The following KCNMA1 variants were observed in gnomAD, a reference collection of about 807,000 sequenced individuals.
The protein encoded by KCNMA1 is potassium calcium-activated channel subfamily M alpha 1.
A neutral mutation model predicts 140.0 loss-of-function variants in KCNMA1; 29 were observed. The ratio of observed to expected loss-of-function variants is 0.21; its 90% CI spans 0.15 to 0.28. KCNMA1 has a LOEUF of 0.28. KCNMA1 is among the 10% of genes least tolerant of loss of function. The probability of loss-of-function intolerance (pLI) is 1.00; values close to 1 mark genes in which losing one functional copy is unlikely to be tolerated. For synonymous variants in KCNMA1, 612 were observed against 611.9 expected (o/e 1.00, Z 0.00); for missense variants, 880 against 1,602.2 (o/e 0.55, Z 7.70).
At chr10:77,046,384 C>T (rs2095055643) in intron 14 of KCNMA1, among the ~76,000 whole-genome samples, 1 of 152,086 alleles carries the variant, frequency 6.6e-6, no homozygotes, top group African/African-American at 2.4e-5. Context: ...TGACCCCACA[C>T]CCCCCAAGAA....
intron 2 of KCNMA1, among the ~76,000 whole-genome samples, chr10:77,266,623 A>T (rs1487821712): frequency 6.6e-6 from 1 of 152,172 alleles, no homozygotes; most frequent in Non-Finnish European, 1.5e-5. Flanking sequence ...TAATCAATCC[A>T]TTCAGGCACA....
chr10:77,055,519 CCTTT>C (rs1215113541), intron 14 of KCNMA1, among the ~76,000 whole-genome samples: 1 of 136,752 alleles, frequency 7.3e-6, no homozygotes, highest in Non-Finnish European at 1.6e-5. Flanking sequence ...TTCCTTTCTT[CCTTT>C]CTTTTTCTCT....
rs116125117 is a variant in KCNMA1, at chr10:77,009,104, G to A, written c.2092+2863C>T. Among the ~76,000 whole-genome samples, 483 of 152,302 alleles carry A rather than the reference G, an allele frequency of 3.2e-3. 3 individuals are homozygous for A. Among genetic ancestry groups the A allele is most frequent in the African/African-American group, 0.01 (421 of 41,568 alleles). On this transcript the variant is annotated intron_variant, in intron 18 of 27. Transcript: ENST00000286628. ...GTTACATAGCCAAAGGCCTTTGTGA[G>A]ATGAAGAAGCTGAGGTTGGGGGAGG...
intron 2 of KCNMA1, among the ~76,000 whole-genome samples, chr10:77,341,588 C>T (rs1297940703): frequency 6.6e-6 from 1 of 152,170 alleles, no homozygotes; most frequent in Admixed American, 6.5e-5. Context: ...ACGTGGGTCC[C>T]CCAGATCCCC....
At chr10:76,988,791 GA>G (rs2081977873) in intron 19 of KCNMA1, among the ~76,000 whole-genome samples, 1 of 152,140 alleles carries the variant, frequency 6.6e-6, no homozygotes. Context: ...GTTTTCTAAT[GA>G]TCCCAGGACC....
chr10:77,397,226 A>G (rs2096087095), intron 2 of KCNMA1, among the ~76,000 whole-genome samples: 1 of 152,184 alleles, frequency 6.6e-6, no homozygotes, highest in Non-Finnish European at 1.5e-5. Context: ...ACTCGACCTT[A>G]GAGAATCTCT....
intron 14 of KCNMA1, among the ~76,000 whole-genome samples, chr10:77,065,933 G>A (rs1237058201): frequency 6.6e-6 from 1 of 152,184 alleles, no homozygotes; most frequent in Non-Finnish European, 1.5e-5. Flanking sequence ...TCCAGCCAGA[G>A]GGAACAAGAA....
chr10:77,138,427 C>T (rs1225086905), intron 5 of KCNMA1, among the ~76,000 whole-genome samples: 3 of 152,102 alleles, frequency 2.0e-5, no homozygotes, highest in Non-Finnish European at 2.9e-5. Context: ...CCTGGTCTGA[C>T]TTTACATCTT....
At chr10:77,033,069 C>T (rs1238391912) in intron 15 of KCNMA1, among the ~76,000 whole-genome samples, 3 of 152,244 alleles carry the variant, frequency 2.0e-5, no homozygotes, top group African/African-American at 4.8e-5. Context: ...ACCCAAAGCA[C>T]CAGCCCCTCT....
At chr10:77,082,007 C>CTTTTTTTTTTTTTTTTTTTT (rs201288668) in intron 12 of KCNMA1, among the ~76,000 whole-genome samples, 13 of 32,510 alleles carry the variant, frequency 4.0e-4, no homozygotes, top group Non-Finnish European at 4.9e-4. Context: ...TTTTTCTTTT[C>CTTTTTTTTTTTTTTTTTTTT]TTTTTTTTTT....
chr10:77,270,299 C>T (rs1228838955), intron 2 of KCNMA1, among the ~76,000 whole-genome samples: 1 of 152,138 alleles, frequency 6.6e-6, no homozygotes, highest in African/African-American at 2.4e-5. Context: ...AATCTCTATC[C>T]ATGTGGCAAT....
chr10:77,339,165 G>A (rs1243959806), intron 2 of KCNMA1, among the ~76,000 whole-genome samples: 2 of 151,096 alleles, frequency 1.3e-5, no homozygotes, highest in Admixed American at 6.6e-5. Context: ...AAGCTCCATA[G>A]GTATGCAATA....
intron 23 of KCNMA1, among the ~76,000 whole-genome samples, chr10:76,927,616 G>C (rs371858205): frequency 1.3e-5 from 2 of 152,224 alleles, no homozygotes; most frequent in African/African-American, 4.8e-5. Flanking sequence ...TATGGTTCTA[G>C]TCTCCAAACA....
intron 3 of KCNMA1, among the ~76,000 whole-genome samples, chr10:77,247,843 T>C (rs1320972879): frequency 6.6e-6 from 1 of 152,076 alleles, no homozygotes; most frequent in African/African-American, 2.4e-5. Context: ...TGATAAAGCA[T>C]AATTTTAGTA....
intron 14 of KCNMA1, among the ~76,000 whole-genome samples, chr10:77,064,487 A>G: frequency 6.6e-6 from 1 of 152,186 alleles, no homozygotes; most frequent in East Asian, 1.9e-4. Context: ...TCTTTTTGCT[A>G]ATAATGTTTG....
intron 1 of KCNMA1, among the ~76,000 whole-genome samples, chr10:77,425,118 T>A (rs2096953981): frequency 6.7e-6 from 1 of 150,136 alleles, no homozygotes; most frequent in Non-Finnish European, 1.5e-5. Flanking sequence ...AGTGGATGGA[T>A]GGATGGATGG....
At chr10:77,427,420 G>T (rs1377711958) in intron 1 of KCNMA1, among the ~76,000 whole-genome samples, 1 of 152,188 alleles carries the variant, frequency 6.6e-6, no homozygotes, top group African/African-American at 2.4e-5. Flanking sequence ...CCCTGGAAGG[G>T]GGCACTATCA....
chr10:77,055,451 C>CAAAA (rs2095509886), intron 14 of KCNMA1, among the ~76,000 whole-genome samples: 1 of 150,088 alleles, frequency 6.7e-6, no homozygotes, highest in Non-Finnish European at 1.5e-5. Context: ...ACTGTTTTTC[C>CAAAA]CTCCCTCCCT....
At chr10:77,593,065 C>T (rs1041626899) in intron 1 of KCNMA1, among the ~76,000 whole-genome samples, 5 of 152,226 alleles carry the variant, frequency 3.3e-5, no homozygotes, top group African/African-American at 1.2e-4. Flanking sequence ...TGAGCTTCTC[C>T]TCTAAGCACT....
Sources: allele counts gnomAD v4.1 joint callset (sites outside exome capture counted in the v4.1 genomes callset), GRCh38; gene constraint gnomAD v4.1.1; transcripts MANE v1.5; gene names NCBI Gene and HGNC (gene_info 2026-07-23, HGNC 2026-07-21).